COLQ: variants seen among roughly 807,000 people sequenced by gnomAD.
The protein encoded by COLQ is collagen like tail subunit of asymmetric acetylcholinesterase.
Under a neutral mutation model 69.0 loss-of-function variants are expected in COLQ, and 48 were observed. The ratio of observed to expected loss-of-function variants is 0.70; its 90% CI spans 0.55 to 0.88. COLQ has a LOEUF of 0.88. COLQ is among the 40% of genes least tolerant of loss of function. The probability of loss-of-function intolerance (pLI) is 0.00; values close to 1 mark genes in which losing one functional copy is unlikely to be tolerated. For missense variants in COLQ, 618 were observed against 594.6 expected, an observed-to-expected ratio of 1.04 and a Z score of -0.41; for synonymous variants, 217 against 211.2, an observed-to-expected ratio of 1.03 and a Z score of -0.24.
At chr3:15,468,466 G>A (rs1279677967) in intron 11 of COLQ, among the ~76,000 whole-genome samples, 2 of 151,756 alleles carry the variant, frequency 1.3e-5, no homozygotes, top group Non-Finnish European at 2.9e-5. Flanking sequence ...AAGCAGCTGG[G>A]ACTAGAGGTG....
chr3:15,458,355 G>A, intron 12 of COLQ, 30 bp from the exon 13 acceptor site: 1 of 1,613,928 alleles, frequency 6.2e-7, no homozygotes, highest in South Asian at 1.1e-5. Context: ...TGTGTTACTA[G>A]AGCCAAGGAA....
rs184944796 is a variant in COLQ, at chr3:15,456,510, C to T, written c.1024G>A (p.Asp342Asn). Reference protein sequence around the residue: ...NTQNAIAFRRDQRSLYFKDSL... With the variant: ...NTQNAIAFRRNQRSLYFKDSL... ...TCCTTGAAGTACAGAGATCTCTGGT[C>T]TCTGCGGAAGGCAATGGCGTTTTGG... The change falls in exon 14 of 17, where the codon GAC becomes AAC. Residue 342 changes from aspartate (D) to asparagine (N), a missense_variant. Physicochemically the swap from Asp to Asn is conservative, Grantham distance 23. Transcript: ENST00000383788. 3 of 1,614,218 alleles carry T rather than the reference C, an allele frequency of 1.9e-6. No homozygotes were observed. The highest frequency in any genetic ancestry group is 2.5e-6 in the Non-Finnish European group (3 of 1,180,036).
intron 5 of COLQ, among the ~76,000 whole-genome samples, chr3:15,477,946 C>G (rs2062409210): frequency 6.6e-6 from 1 of 152,154 alleles, no homozygotes; most frequent in Non-Finnish European, 1.5e-5. Flanking sequence ...AAGAGCAAGC[C>G]CTGCAAGAGA....
chr3:15,474,267 G>A lies in COLQ; in HGVS notation c.561C>T (p.Ser187=), dbSNP rs149370622. 577 of 1,613,806 alleles carry A rather than the reference G, an allele frequency of 3.6e-4. No individual in the cohort carries two copies. The highest frequency in any genetic ancestry group is 3.6e-4 in the Non-Finnish European group (429 of 1,179,748). The change falls in exon 9 of 17, where the codon TCC becomes TCT. Residue 187 remains serine, a synonymous_variant. Transcript: ENST00000383788. The part of the protein sequence containing the change: ...GYPGSRGEKG[S]RGEKGDLGPK... ...GACCCAGGTCACCCTTTTCACCTCT[G>A]GATCCCTAGGAAGAAACCATAGGAG... is the stretch of plus-strand genomic sequence containing the variant.
chr3:15,453,976 G>A lies in COLQ; in HGVS notation c.1196-45C>T, dbSNP rs75838637. 1,977 of 1,380,846 alleles carry A rather than the reference G, an allele frequency of 1.4e-3. 22 individuals carry two copies. In the African/African-American group the frequency reaches 0.024, roughly 16 times the overall value. The allele number at this position is 1,380,846 out of a possible 1,614,324, so 85.5% of individuals were successfully genotyped here. A position where few individuals can be genotyped will look rare whatever the true frequency, so the allele number is the denominator to read the frequency against. ...TGCAGTCTTGAGAAGGAGCAGAGGC[G>A]ATAGGCTTGCCTCAGCTTGTAAGGA... On this transcript the variant is annotated intron_variant, in intron 15 of 16. Transcript: ENST00000383788.
chr3:15,486,213 C>G (rs769237490), intron 3 of COLQ, among the ~76,000 whole-genome samples: 2 of 152,184 alleles, frequency 1.3e-5, no homozygotes, highest in East Asian at 1.9e-4. Flanking sequence ...TCATTGTGCT[C>G]TAGCTCAGTG....
chr3:15,474,385 A>G, intron 8 of COLQ, 113 bp from the exon 9 acceptor site: 1 of 1,064,808 alleles, frequency 9.4e-7, no homozygotes, highest in South Asian at 1.3e-5. Context: ...AAGTGAAGAA[A>G]TAGGCTCAGA....
In COLQ at chr3:15,451,378, T is replaced by G; in HGVS notation, c.*266A>C. ...AGAAGAGGAAGAGCATTGTAGCCGG[T>G]TGTTTGGCCAAATGGTAGCGATGGG... On this transcript the variant is annotated 3_prime_UTR_variant, in exon 17 of 17. Coordinates refer to ENST00000383788, the MANE Select transcript of COLQ (RefSeq NM_005677.4). 2 of 614,694 alleles carry G rather than the reference T, an allele frequency of 3.3e-6. No individual in the cohort carries two copies. The highest frequency in any genetic ancestry group is 3.0e-6 in the Non-Finnish European group (1 of 335,074). 38.1% of individuals were successfully genotyped at this position (614,694 alleles called of 1,614,324 possible).
chr3:15,483,620 G>A (rs2062527275), intron 3 of COLQ, among the ~76,000 whole-genome samples: 1 of 152,214 alleles, frequency 6.6e-6, no homozygotes, highest in Non-Finnish European at 1.5e-5. Context: ...GCTGACGAGT[G>A]CTTTACTTCC....
At chr3:15,463,079 CAGACA>C (rs1167472761) in intron 12 of COLQ, among the ~76,000 whole-genome samples, 2 of 152,106 alleles carry the variant, frequency 1.3e-5, no homozygotes, top group East Asian at 1.9e-4. Flanking sequence ...ACACCGAAGA[CAGACA>C]AGACAAGAGA....
At chr3:15,504,838 C>CA (rs1281535967) in intron 1 of COLQ, among the ~76,000 whole-genome samples, 7 of 152,276 alleles carry the variant, frequency 4.6e-5, no homozygotes, top group African/African-American at 1.2e-4. Flanking sequence ...CCAGCCTGGG[C>CA]AATAGAGCGA....
At chr3:15,472,970 C>T (rs1176641425) in intron 10 of COLQ, among the ~76,000 whole-genome samples, 5 of 151,872 alleles carry the variant, frequency 3.3e-5, no homozygotes, top group African/African-American at 7.3e-5. Context: ...AGCAATTCTC[C>T]CACCTCAGCC....
chr3:15,453,931 C>T lies in COLQ; in HGVS notation c.1196G>A (p.Arg399His), dbSNP rs375272767. The T allele has an allele frequency of 6.2e-7, 1 of 1,601,772 alleles. No homozygotes were observed. Among genetic ancestry groups the T allele is most frequent in the Non-Finnish European group, 8.5e-7 (1 of 1,173,102 alleles). The change falls in exon 16 of 17, where the codon CGC becomes CAC. Residue 399 changes from arginine (R) to histidine (H), a missense_variant and splice_region_variant. By Grantham distance (29) the Arg-to-His change is conservative. Transcript: ENST00000383788. ...GNSDVGDDCI[R>H]CHRAYCGDGH... ...ATCTCCACAGTAGGCACGGTGACAGCCTGAGGGGACATAAGGAGGTGCAGT... is the reference window on the plus strand; with the variant it reads ...ATCTCCACAGTAGGCACGGTGACAGTCTGAGGGGACATAAGGAGGTGCAGT...
At chr3:15,490,054 G>C (rs1216018633) in intron 1 of COLQ, among the ~76,000 whole-genome samples, 1 of 152,172 alleles carries the variant, frequency 6.6e-6, no homozygotes. Flanking sequence ...GGCAGCCAGG[G>C]CCAGTGGTAG....
At chr3:15,485,027 G>A (rs2062551795) in intron 3 of COLQ, among the ~76,000 whole-genome samples, 1 of 152,212 alleles carries the variant, frequency 6.6e-6, no homozygotes, top group African/African-American at 2.4e-5. Context: ...CATCTTTGTG[G>A]TTTTATCTAC....
In COLQ at chr3:15,520,948, G is replaced by A. The variant is rs562356278; in HGVS notation, c.106+572C>T. On this transcript the variant is annotated intron_variant, in intron 1 of 16. Transcript: ENST00000383788. Reference sequence around the variant, plus strand: ...TGAGGCTGAAGGGAAGTCGCACCCAGGAAGACAGGTCTGGAGAAAGGGAAA... The same window carrying A: ...TGAGGCTGAAGGGAAGTCGCACCCAAGAAGACAGGTCTGGAGAAAGGGAAA... Among the ~76,000 whole-genome samples the A allele has an allele frequency of 6.6e-5, 10 of 152,270 alleles. No homozygotes were observed. In the South Asian group the frequency reaches 2.1e-3, roughly 32 times the overall value.
At chr3:15,502,291 A>G (rs2062841850) in intron 1 of COLQ, among the ~76,000 whole-genome samples, 1 of 150,762 alleles carries the variant, frequency 6.6e-6, no homozygotes, top group African/African-American at 2.4e-5. Context: ...AATTTTTTGT[A>G]TTTTTAGTAG....
At chr3:15,481,749 A>C (rs370617764) in intron 3 of COLQ, among the ~76,000 whole-genome samples, 5 of 152,194 alleles carry the variant, frequency 3.3e-5, no homozygotes, top group Non-Finnish European at 5.9e-5. Context: ...AATTCTGTGA[A>C]GAAAGTCATT....
intron 8 of COLQ, 28 bp downstream of exon 8, chr3:15,474,897 T>C (rs2062353099): frequency 1.9e-6 from 3 of 1,613,998 alleles, no homozygotes; most frequent in African/African-American, 1.3e-5. Context: ...GACCAGGCTC[T>C]AGGACACCAT....
Sources: allele counts gnomAD v4.1 joint callset (sites outside exome capture counted in the v4.1 genomes callset), GRCh38; gene constraint gnomAD v4.1.1; transcripts MANE v1.5; gene names NCBI Gene and HGNC (gene_info 2026-07-23, HGNC 2026-07-21).